Variants in ADAM12 observed in about 807,000 individuals in gnomAD.
The protein encoded by ADAM12 is ADAM metallopeptidase domain 12.
In ADAM12, 70 loss-of-function variants were observed where a neutral mutation model predicts 106.4. That is an observed-to-expected ratio of 0.66 (90% CI 0.54 to 0.80). The LOEUF is 0.80. ADAM12 is among the 30% of genes least tolerant of loss of function. The pLI is 0.00. For synonymous variants in ADAM12, 420 were observed against 433.5 expected (o/e 0.97, Z 0.39); for missense variants, 1,010 against 1,171.9 (o/e 0.86, Z 2.02).
At chr10:126,150,012 C>T (rs1956701320) in intron 4 of ADAM12, among the ~76,000 whole-genome samples, 1 of 152,140 alleles carries the variant, frequency 6.6e-6, no homozygotes, top group South Asian at 2.1e-4. Flanking sequence ...AAAAAGAAAA[C>T]TAGTAAGGGA....
intron 3 of ADAM12, among the ~76,000 whole-genome samples, chr10:126,180,887 A>C (rs149924155): frequency 1.3e-5 from 2 of 152,206 alleles, no homozygotes; most frequent in South Asian, 4.1e-4. Context: ...ATTATTTAAC[A>C]ATCAGCCACA....
In ADAM12 at chr10:126,051,851, G is replaced by T. The variant is rs61122321; in HGVS notation, c.1610-2182C>A. On this transcript the variant is annotated intron_variant, in intron 14 of 22. Transcript: ENST00000448723. The stretch of plus-strand genomic sequence containing the variant: ...ACCCAAATGATTATGTTCCTCTAAA[G>T]CCCAGTGTTAGGGAATGCTATGAAG... Among the ~76,000 whole-genome samples, 710 of 152,318 alleles carry T rather than the reference G, an allele frequency of 4.7e-3. 6 individuals are homozygous for T. Among genetic ancestry groups the T allele is most frequent in the African/African-American group, 0.016 (675 of 41,572 alleles).
At position 126,066,909 on chromosome 10, in the gene ADAM12, A is replaced by G. The variant is rs1222976888; in HGVS notation, c.1324-103T>C. On this transcript the variant is annotated intron_variant, in intron 12 of 22. Coordinates refer to ENST00000448723, the MANE Select transcript of ADAM12 (RefSeq NM_001288973.2). The surrounding 1 kb of genome is among the most constrained non-coding windows in gnomAD (Gnocchi z 5.1). ...TGGCTGCAAAAAGCAAGAAAGACCA[A>G]GAGGGCCCAGCTCCTGAACTGCACA... The G allele has an allele frequency of 1.8e-6, 2 of 1,098,710 alleles. No homozygotes were observed. Among genetic ancestry groups the G allele is most frequent in the Non-Finnish European group, 1.4e-6 (1 of 739,618 alleles). The allele number at this position is 1,098,710 out of a possible 1,614,324, so 68.1% of individuals were successfully genotyped here.
intron 5 of ADAM12, among the ~76,000 whole-genome samples, chr10:126,124,722 A>G (rs935327306): frequency 6.6e-6 from 1 of 151,830 alleles, no homozygotes; most frequent in Non-Finnish European, 1.5e-5. Context: ...GTGAAACCCC[A>G]TTCCTACTGA....
intron 4 of ADAM12, among the ~76,000 whole-genome samples, chr10:126,147,798 C>T (rs1478099264): frequency 1.3e-5 from 2 of 152,244 alleles, no homozygotes; most frequent in Non-Finnish European, 2.9e-5. Context: ...AGCCTCCCCT[C>T]ACCCATGGGC....
intron 3 of ADAM12, among the ~76,000 whole-genome samples, chr10:126,226,212 G>T (rs376855206): frequency 5.7e-5 from 8 of 141,148 alleles, no homozygotes; most frequent in Admixed American, 2.9e-4. Context: ...CGGGGGGAGT[G>T]GGGTGGGAGT....
chr10:126,243,027 T>TA (rs1958557641), intron 3 of ADAM12, among the ~76,000 whole-genome samples: 1 of 152,246 alleles, frequency 6.6e-6, no homozygotes, highest in South Asian at 2.1e-4. Context: ...CATATGGAAC[T>TA]AGCAATGACT....
At chr10:126,028,714 C>A (rs1313179531) in intron 21 of ADAM12, among the ~76,000 whole-genome samples, 1 of 152,106 alleles carries the variant, frequency 6.6e-6, no homozygotes, top group Non-Finnish European at 1.5e-5. Context: ...AGGAGAAAAT[C>A]TAGGCAACAC....
intron 21 of ADAM12, among the ~76,000 whole-genome samples, chr10:126,025,173 G>A (rs1590299135): frequency 2.0e-5 from 3 of 152,194 alleles, no homozygotes; most frequent in African/African-American, 4.8e-5. Context: ...TCTCCAGCAA[G>A]TGCAAAGAAC....
chr10:126,320,305 T>A (rs1164256060), intron 2 of ADAM12, among the ~76,000 whole-genome samples: 17 of 152,174 alleles, frequency 1.1e-4, no homozygotes, highest in Admixed American at 1.1e-3. Context: ...CTTAAATATA[T>A]CCAAAAGGAA....
chr10:126,160,803 T>A (rs1354610532), intron 3 of ADAM12, among the ~76,000 whole-genome samples: 1 of 152,218 alleles, frequency 6.6e-6, no homozygotes, highest in South Asian at 2.1e-4. Flanking sequence ...CACACTGTGC[T>A]CACTTTTCCC....
intron 3 of ADAM12, among the ~76,000 whole-genome samples, chr10:126,202,382 T>G (rs1957718459): frequency 6.6e-6 from 1 of 152,260 alleles, no homozygotes; most frequent in Non-Finnish European, 1.5e-5. Flanking sequence ...ACTGTAATTT[T>G]GTATAAATTT....
chr10:126,111,614 C>A (rs1165097740), intron 6 of ADAM12, among the ~76,000 whole-genome samples: 1 of 152,186 alleles, frequency 6.6e-6, no homozygotes, highest in Non-Finnish European at 1.5e-5. Context: ...AAATAAACGA[C>A]CATGGGATAT....
At chr10:126,226,206 G>T (rs1958193072) in intron 3 of ADAM12, among the ~76,000 whole-genome samples, 2 of 149,436 alleles carry the variant, frequency 1.3e-5, no homozygotes, top group African/African-American at 4.9e-5. Flanking sequence ...AGGGGGCGGG[G>T]GGAGTGGGGT....
intron 3 of ADAM12, among the ~76,000 whole-genome samples, chr10:126,247,304 T>C (rs114925149): frequency 0.013 from 1,973 of 152,276 alleles, 51 homozygotes; most frequent in African/African-American, 0.045. Context: ...GCATAAAATG[T>C]TTATGTATAA....
intron 4 of ADAM12, among the ~76,000 whole-genome samples, chr10:126,141,489 T>A (rs747642100): frequency 6.6e-6 from 1 of 152,226 alleles, no homozygotes; most frequent in Non-Finnish European, 1.5e-5. Flanking sequence ...CCTCTAACCA[T>A]GTATTTTATA....
intron 11 of ADAM12, among the ~76,000 whole-genome samples, chr10:126,082,176 G>A (rs1043038269): frequency 6.6e-6 from 1 of 152,124 alleles, no homozygotes; most frequent in South Asian, 2.1e-4. Context: ...TACCTGCTAC[G>A]CAGCTGTGGT....
intron 9 of ADAM12, 127 bp from the exon 10 acceptor site, chr10:126,098,627 A>G (rs970297275): frequency 1.1e-5 from 8 of 712,166 alleles, no homozygotes; most frequent in African/African-American, 3.6e-5. Flanking sequence ...ATGAGGGTAT[A>G]TTCACATGTG....
chr10:126,095,533 CAAAAAAAA>C (rs11396229), intron 10 of ADAM12, among the ~76,000 whole-genome samples: 36 of 46,582 alleles, frequency 7.7e-4, no homozygotes, highest in African/African-American at 3.9e-3. Flanking sequence ...GACTCTGTCT[CAAAAAAAA>C]AAAAAAAAAA....
Sources: allele counts gnomAD v4.1 joint callset (sites outside exome capture counted in the v4.1 genomes callset), GRCh38; gene constraint gnomAD v4.1.1; non-coding constraint Gnocchi (gnomAD v3.1); transcripts MANE v1.5; gene names NCBI Gene and HGNC (gene_info 2026-07-23, HGNC 2026-07-21).